Variants in PRORP observed in about 807,000 individuals in gnomAD.
PRORP encodes the protein mitochondrial ribonuclease P catalytic subunit.
Under a neutral mutation model 59.4 loss-of-function variants are expected in PRORP, and 51 were observed. The observed-to-expected ratio is 0.86, with a 90% CI of 0.69 to 1.08. The LOEUF is 1.08. Ranked by LOEUF, PRORP falls within the 50% of genes least tolerant of loss-of-function variation. The probability of loss-of-function intolerance (pLI) is 0.00; values close to 1 mark genes in which losing one functional copy is unlikely to be tolerated. For synonymous variants in PRORP, 231 were observed against 245.6 expected, an observed-to-expected ratio of 0.94 and a Z score of 0.55; for missense variants, 646 against 690.3, an observed-to-expected ratio of 0.94 and a Z score of 0.72.
At chr14:35,135,786 C>T (rs1162863639) in intron 4 of PRORP, among the ~76,000 whole-genome samples, 5 of 151,814 alleles carry the variant, frequency 3.3e-5, no homozygotes, top group East Asian at 1.9e-4. Context: ...GGGAAAACCC[C>T]GTCTCTACTA....
At chr14:35,210,750 CTTTTTTTTT>C (rs71435870) in intron 5 of PRORP, among the ~76,000 whole-genome samples, 20 of 34,070 alleles carry the variant, frequency 5.9e-4, no homozygotes, top group African/African-American at 1.2e-3. Flanking sequence ...TTTCTTTTGC[CTTTTTTTTT>C]TTTTTTTTTT....
intron 5 of PRORP, among the ~76,000 whole-genome samples, chr14:35,227,112 A>G (rs2049954443): frequency 1.3e-5 from 2 of 151,916 alleles, no homozygotes; most frequent in Non-Finnish European, 2.9e-5. Context: ...CCTTTTGATT[A>G]TAAGAAACAG....
intron 5 of PRORP, 80 bp from the exon 6 acceptor site, chr14:35,266,647 G>A (rs1306528956): frequency 6.8e-7 from 1 of 1,469,080 alleles, no homozygotes; most frequent in Non-Finnish European, 9.4e-7. Context: ...TCACCATTGA[G>A]GTGGCCTGCT....
intron 5 of PRORP, among the ~76,000 whole-genome samples, chr14:35,264,340 C>T (rs542731437): frequency 1.3e-5 from 2 of 151,964 alleles, no homozygotes; most frequent in East Asian, 3.9e-4. Context: ...CTAGGCTAGT[C>T]TTAAACTCCT....
chr14:35,185,927 A>G (rs1046281535), intron 5 of PRORP, among the ~76,000 whole-genome samples: 2 of 152,226 alleles, frequency 1.3e-5, no homozygotes, highest in African/African-American at 4.8e-5. Flanking sequence ...TTTGTTGGTT[A>G]CTGAAATAGT....
intron 5 of PRORP, among the ~76,000 whole-genome samples, chr14:35,226,737 TATTTC>T (rs201535122): frequency 0.03 from 4,615 of 152,160 alleles, 209 homozygotes; most frequent in African/African-American, 0.099. Context: ...TTATTATTAT[TATTTC>T]ATTATTTTTT....
intron 5 of PRORP, among the ~76,000 whole-genome samples, chr14:35,238,518 T>C (rs2050278703): frequency 6.6e-6 from 1 of 152,076 alleles, no homozygotes; most frequent in Non-Finnish European, 1.5e-5. Context: ...CCTAATGACA[T>C]CTTGAACTAA....
At chr14:35,148,868 CTG>C (rs1188245796) in intron 4 of PRORP, among the ~76,000 whole-genome samples, 1 of 148,736 alleles carries the variant, frequency 6.7e-6, no homozygotes, top group African/African-American at 2.5e-5. Flanking sequence ...TTCCACCAGT[CTG>C]TGCCCATAAC....
At chr14:35,232,990 A>G (rs2050120393) in intron 5 of PRORP, among the ~76,000 whole-genome samples, 1 of 152,072 alleles carries the variant, frequency 6.6e-6, no homozygotes, top group Non-Finnish European at 1.5e-5. Context: ...CTCTTTTACA[A>G]CAGGTAGGAG....
intron 4 of PRORP, among the ~76,000 whole-genome samples, chr14:35,153,041 G>A (rs1483399776): frequency 6.6e-6 from 1 of 152,254 alleles, no homozygotes; most frequent in Non-Finnish European, 1.5e-5. Context: ...AAGGCAGGCG[G>A]CTGGGAGGTG....
At position 35,146,898 on chromosome 14, in the gene PRORP, C is replaced by T. The variant is rs2047624456; in HGVS notation, c.1167+19287C>T. ...CTTGAGGCCAGGAGTTCGACACCAG[C>T]CCGGGGAACATAGTGAGATCCCATC... is the stretch of plus-strand genomic sequence containing the variant. On this transcript the variant is annotated intron_variant, in intron 4 of 7. Coordinates refer to ENST00000534898, the MANE Select transcript of PRORP (RefSeq NM_014672.4). Among the ~76,000 whole-genome samples, 2 of 152,224 alleles carry T rather than the reference C, an allele frequency of 1.3e-5. 1 individual carries two copies. Among genetic ancestry groups the T allele is most frequent in the South Asian group, 4.2e-4 (2 of 4,812 alleles).
At chr14:35,180,436 T>C (rs1049818425) in intron 4 of PRORP, among the ~76,000 whole-genome samples, 3 of 152,302 alleles carry the variant, frequency 2.0e-5, no homozygotes, top group Admixed American at 6.5e-5. Context: ...TTGTGCAGTA[T>C]AAAGCACTAT....
At chr14:35,180,039 C>A (rs1271990614) in intron 4 of PRORP, among the ~76,000 whole-genome samples, 2 of 152,206 alleles carry the variant, frequency 1.3e-5, no homozygotes, top group Non-Finnish European at 2.9e-5. Flanking sequence ...GCGGAGGCTG[C>A]AGAACAGCGA....
intron 4 of PRORP, among the ~76,000 whole-genome samples, chr14:35,152,963 G>A (rs2047813280): frequency 6.6e-6 from 1 of 152,318 alleles, no homozygotes; most frequent in East Asian, 1.9e-4. Context: ...GCCAGGCAGA[G>A]ACGCTCCTCA....
At chr14:35,171,474 G>A (rs2048311252) in intron 4 of PRORP, among the ~76,000 whole-genome samples, 1 of 152,084 alleles carries the variant, frequency 6.6e-6, no homozygotes, top group African/African-American at 2.4e-5. Context: ...TTTTAAAGAT[G>A]TTCTCTGGCC....
intron 5 of PRORP, among the ~76,000 whole-genome samples, chr14:35,205,014 A>G (rs906771624): frequency 7.2e-5 from 11 of 152,222 alleles, no homozygotes; most frequent in African/African-American, 2.7e-4. Flanking sequence ...AGAGAAGTCA[A>G]TGATAAATCA....
chr14:35,162,889 T>G (rs1333211676), intron 4 of PRORP, among the ~76,000 whole-genome samples: 1 of 152,172 alleles, frequency 6.6e-6, no homozygotes, highest in African/African-American at 2.4e-5. Flanking sequence ...AACCCATATT[T>G]TACCCCACTA....
intron 4 of PRORP, chr14:35,158,658 G>A: frequency 2.6e-6 from 1 of 386,716 alleles, no homozygotes. Flanking sequence ...TCTGCATTTA[G>A]GTAGTCCACA....
intron 4 of PRORP, among the ~76,000 whole-genome samples, chr14:35,146,168 C>T (rs913180346): frequency 2.6e-5 from 4 of 152,104 alleles, no homozygotes; most frequent in African/African-American, 9.7e-5. Flanking sequence ...ATCATAATCA[C>T]AGTCCCCATA....
Sources: gnomAD v4.1 joint callset for allele counts (sites outside exome capture counted in the v4.1 genomes callset) on GRCh38, gnomAD v4.1.1 for gene constraint, MANE v1.5 for transcripts, NCBI Gene and HGNC (gene_info 2026-07-23, HGNC 2026-07-21) for gene names.